SPON1: variants seen among roughly 807,000 people sequenced by gnomAD.
SPON1 encodes the protein spondin-1.
In SPON1, 52 loss-of-function variants were observed where a neutral mutation model predicts 111.7. The observed-to-expected ratio is 0.47, with a 90% CI of 0.37 to 0.59. The LOEUF is 0.59. Among genes scored for constraint, SPON1 ranks in the 20% least tolerant of loss-of-function variants. The pLI is 0.00. For synonymous variants in SPON1, 410 were observed against 395.8 expected (o/e 1.04, Z -0.43); for missense variants, 957 against 1,068.5 (o/e 0.90, Z 1.46).
chr11:14,130,138 T>C (rs1443335337), intron 5 of SPON1, among the ~76,000 whole-genome samples: 1 of 152,156 alleles, frequency 6.6e-6, no homozygotes, highest in East Asian at 1.9e-4. Context: ...CCCAGAGAGC[T>C]TAAGGAATCA....
intron 2 of SPON1, among the ~76,000 whole-genome samples, chr11:14,035,509 G>A (rs1848587711): frequency 6.6e-6 from 1 of 152,056 alleles, no homozygotes; most frequent in Admixed American, 6.6e-5. Context: ...AATTCAGAAG[G>A]AAGTCCAGGG....
At chr11:14,133,390 A>G (rs1847548847) in intron 5 of SPON1, among the ~76,000 whole-genome samples, 1 of 152,220 alleles carries the variant, frequency 6.6e-6, no homozygotes, top group Non-Finnish European at 1.5e-5. Context: ...GTGATAATAA[A>G]TGTGATTTGT....
At chr11:14,004,790 G>A (rs189276368) in intron 2 of SPON1, among the ~76,000 whole-genome samples, 63 of 151,824 alleles carry the variant, frequency 4.1e-4, no homozygotes, top group Non-Finnish European at 7.7e-4. Context: ...TTTTCAGTTC[G>A]TAGTTTTCCT....
At chr11:14,144,887 C>T (rs1554929172) in intron 6 of SPON1, among the ~76,000 whole-genome samples, 2 of 151,852 alleles carry the variant, frequency 1.3e-5, no homozygotes, top group Non-Finnish European at 2.9e-5. Context: ...GGTGTGTCAC[C>T]CTGCTGCAAA....
rs71041571 is a variant in SPON1, at chr11:14,127,317, A to AC, written c.677-8100dup. On this transcript the variant is annotated intron_variant, in intron 5 of 15. Coordinates refer to ENST00000576479, the MANE Select transcript of SPON1 (RefSeq NM_006108.4). ...TCTGACCTCCGAAAAAAAAAAAAAA[A>AC]CCCAGTTTTAACTACTTTACCAAAA... is the stretch of plus-strand genomic sequence containing the variant. Among the ~76,000 whole-genome samples, 83 of 150,102 alleles carry AC rather than the reference A, an allele frequency of 5.5e-4. No individual in the cohort carries two copies. In the South Asian group the frequency reaches 6.4e-3, roughly 12 times the overall value.
intron 6 of SPON1, among the ~76,000 whole-genome samples, chr11:14,181,086 G>A (rs1189076485): frequency 1.3e-5 from 2 of 152,060 alleles, no homozygotes; most frequent in Non-Finnish European, 2.9e-5. Flanking sequence ...AAGACACTGG[G>A]GTCAGGACCT....
chr11:14,214,698 A>G (rs1374030706), intron 6 of SPON1, among the ~76,000 whole-genome samples: 1 of 152,174 alleles, frequency 6.6e-6, no homozygotes, highest in East Asian at 1.9e-4. Flanking sequence ...TAATTTCAAG[A>G]GAGCCTCGGA....
chr11:14,222,804 G>A (rs774050997), intron 6 of SPON1, among the ~76,000 whole-genome samples: 72 of 152,248 alleles, frequency 4.7e-4, no homozygotes, highest in Non-Finnish European at 1.9e-4. Context: ...CAGTTTCCAT[G>A]GTGTAAATAC....
chr11:14,187,150 G>A (rs1848293915), intron 6 of SPON1, among the ~76,000 whole-genome samples: 1 of 152,126 alleles, frequency 6.6e-6, no homozygotes, highest in South Asian at 2.1e-4. Context: ...AGAGATGCCA[G>A]GCTCTTTTAA....
chr11:14,199,572 C>A (rs1284566409), intron 6 of SPON1, among the ~76,000 whole-genome samples: 1 of 152,212 alleles, frequency 6.6e-6, no homozygotes, highest in Non-Finnish European at 1.5e-5. Context: ...AATCTCCCTG[C>A]CTTACCCAGC....
chr11:14,056,821 G>A (rs1848748004), intron 3 of SPON1, among the ~76,000 whole-genome samples: 1 of 152,184 alleles, frequency 6.6e-6, no homozygotes, highest in Non-Finnish European at 1.5e-5. Context: ...AACCTGGGAA[G>A]CGGAGCTTGC....
intron 2 of SPON1, among the ~76,000 whole-genome samples, chr11:14,021,334 T>C (rs967638311): frequency 6.6e-6 from 1 of 152,084 alleles, no homozygotes; most frequent in Non-Finnish European, 1.5e-5. Flanking sequence ...GGAAATTCCA[T>C]AGGCCAAGAG....
chr11:14,033,881 T>C (rs906576621), intron 2 of SPON1, among the ~76,000 whole-genome samples: 1 of 152,204 alleles, frequency 6.6e-6, no homozygotes, highest in East Asian at 1.9e-4. Flanking sequence ...TCTCCGTCTC[T>C]TGCAAGGAGT....
intron 5 of SPON1, among the ~76,000 whole-genome samples, chr11:14,093,681 A>G (rs1849076578): frequency 1.3e-5 from 2 of 152,210 alleles, no homozygotes; most frequent in Non-Finnish European, 2.9e-5. Flanking sequence ...GGAAATTATT[A>G]TTAAGTCCAA....
chr11:14,059,203 T>C (rs781807661), intron 3 of SPON1, among the ~76,000 whole-genome samples: 1 of 151,988 alleles, frequency 6.6e-6, no homozygotes, highest in Non-Finnish European at 1.5e-5. Flanking sequence ...TTACCCAGGG[T>C]GGCTGCAGAG....
intron 6 of SPON1, among the ~76,000 whole-genome samples, chr11:14,156,816 A>G (rs1039649292): frequency 7.9e-5 from 12 of 152,024 alleles, no homozygotes; most frequent in African/African-American, 2.2e-4. Context: ...GATATGCGGC[A>G]TTATTTCTGA....
rs541599522 is a variant in SPON1 at position 14,020,612 on chromosome 11, C to T, written c.346-20909C>T. 2.6e-5 allele frequency among the ~76,000 whole-genome samples: 4 copies of T among 152,188 alleles called. No homozygotes were observed. In the South Asian group the frequency reaches 6.2e-4, roughly 24 times the overall value. ...AGACAAGTGGAGGCTGATGTAAGTA[C>T]GAGGATGTTGATTGCAGCCTTGTTT... is the stretch of plus-strand genomic sequence containing the variant. On this transcript the variant is annotated intron_variant, in intron 2 of 15. Coordinates refer to ENST00000576479, the MANE Select transcript of SPON1 (RefSeq NM_006108.4).
chr11:14,075,213 C>A, intron 3 of SPON1, 132 bp from the exon 4 acceptor site: 3 of 644,694 alleles, frequency 4.7e-6, no homozygotes, highest in East Asian at 2.8e-5. Context: ...TGTTAATTTT[C>A]TCATGAAGAC....
chr11:14,033,870 T>C (rs1314864457), intron 2 of SPON1, among the ~76,000 whole-genome samples: 1 of 152,202 alleles, frequency 6.6e-6, no homozygotes, highest in African/African-American at 2.4e-5. Context: ...AGATTAAGAT[T>C]TCTCCGTCTC....
Sources: allele counts gnomAD v4.1 joint callset (sites outside exome capture counted in the v4.1 genomes callset), GRCh38; gene constraint gnomAD v4.1.1; transcripts MANE v1.5; gene names NCBI Gene and HGNC (gene_info 2026-07-23, HGNC 2026-07-21).